TMEM132D: variants seen among roughly 807,000 people sequenced by gnomAD.
TMEM132D encodes mature OL transmembrane protein.
Under a neutral mutation model 62.3 loss-of-function variants are expected in TMEM132D, and 21 were observed. The observed-to-expected ratio is 0.34, with a 90% confidence interval of 0.24 to 0.49. The LOEUF (loss-of-function observed/expected upper bound fraction) is 0.49. Ranked by LOEUF, TMEM132D falls within the 20% of genes least tolerant of loss-of-function variation. The pLI, the probability that TMEM132D is intolerant of heterozygous loss-of-function variation, is 0.99. For synonymous variants in TMEM132D, 621 were observed against 575.6 expected (o/e 1.08, Z -1.13); for missense variants, 1,346 against 1,402.8 (o/e 0.96, Z 0.65).
chr12:129,508,708 C>A (rs568926757), intron 3 of TMEM132D, among the ~76,000 whole-genome samples: 2 of 151,632 alleles, frequency 1.3e-5, no homozygotes, highest in African/African-American at 2.4e-5. Context: ...TAAATGTATC[C>A]CCCAAAATAC....
intron 3 of TMEM132D, among the ~76,000 whole-genome samples, chr12:129,430,153 A>C (rs1004640128): frequency 3.7e-4 from 57 of 152,148 alleles, no homozygotes; most frequent in African/African-American, 1.3e-3. Context: ...CTGATGAATC[A>C]CCACACTGAC....
rs761892015 is a variant in TMEM132D at position 129,524,920 on chromosome 12, C to CTTTTTTTTTTTTTTTTTTTTTTTT, written c.1115+6138_1115+6139insAAAAAAAAAAAAAAAAAAAAAAAA. 2.2e-5 allele frequency among the ~76,000 whole-genome samples: 2 copies of CTTTTTTTTTTTTTTTTTTTTTTTT among 92,170 alleles called. 1 individual carries two copies. The highest frequency in any genetic ancestry group is 8.9e-5 in the African/African-American group (2 of 22,488). 60.5% of individuals were successfully genotyped at this position (92,170 alleles called of 152,430 possible). On this transcript the variant is annotated intron_variant, in intron 3 of 8. Transcript: ENST00000422113. The stretch of plus-strand genomic sequence containing the variant: ...CATTTTATTATTTTCATATTTTTTT[C>CTTTTTTTTTTTTTTTTTTTTTTTT]TTTTTTCTTTTTTTTTTTTTTTTTG...
intron 4 of TMEM132D, among the ~76,000 whole-genome samples, chr12:129,329,167 A>C (rs1869020465): frequency 6.6e-6 from 1 of 152,082 alleles, no homozygotes; most frequent in African/African-American, 2.4e-5. Context: ...ATATATGTGT[A>C]GAAGTTCCTA....
chr12:129,457,457 GAGA>G (rs1873511167), intron 3 of TMEM132D, among the ~76,000 whole-genome samples: 1 of 141,104 alleles, frequency 7.1e-6, no homozygotes, highest in Non-Finnish European at 1.5e-5. Flanking sequence ...GGGGGGAGGG[GAGA>G]GGGATGGCAT....
chr12:129,609,098 G>A (rs755462736), intron 2 of TMEM132D, among the ~76,000 whole-genome samples: 5 of 151,844 alleles, frequency 3.3e-5, no homozygotes, highest in Admixed American at 6.6e-5. Context: ...CCACCAACAC[G>A]CCCAGATAAT....
chr12:129,466,283 T>TTTTTTC (rs1873894882), intron 3 of TMEM132D, among the ~76,000 whole-genome samples: 3 of 250 alleles, frequency 0.012, no homozygotes, highest in African/African-American at 0.018. Flanking sequence ...TTTTTCCTTT[T>TTTTTTC]TTTTTTTTTT....
At chr12:129,378,214 T>C (rs1266210539) in intron 3 of TMEM132D, among the ~76,000 whole-genome samples, 1 of 152,210 alleles carries the variant, frequency 6.6e-6, no homozygotes, top group African/African-American at 2.4e-5. Flanking sequence ...AATTAAAAGA[T>C]GAGAAGATGT....
intron 4 of TMEM132D, among the ~76,000 whole-genome samples, chr12:129,328,394 A>G (rs1411797438): frequency 1.3e-5 from 2 of 152,176 alleles, no homozygotes; most frequent in Admixed American, 6.5e-5. Flanking sequence ...ATCATAGCTT[A>G]TTTGTTCACT....
chr12:129,810,570 ACACCCC>A lies in TMEM132D; in HGVS notation c.79+92685_79+92690del, dbSNP rs775574944. Among the ~76,000 whole-genome samples, 97 of 27,196 alleles carry A rather than the reference ACACCCC, an allele frequency of 3.6e-3. 3 individuals are homozygous for A. In the East Asian group the frequency reaches 0.051, roughly 14 times the overall value. The allele number at this position is 27,196 out of a possible 152,430, so 17.8% of individuals were successfully genotyped here. On this transcript the variant is annotated intron_variant, in intron 1 of 8. Transcript: ENST00000422113. ...TATACATACACACACACACACACAC[ACACCCC>A]CCCACACTCTTTAACCTGTGCCTTA... is the stretch of plus-strand genomic sequence containing the variant.
intron 4 of TMEM132D, among the ~76,000 whole-genome samples, chr12:129,275,987 C>T (rs898902726): frequency 6.6e-6 from 1 of 152,138 alleles, no homozygotes; most frequent in African/African-American, 2.4e-5. Context: ...AGCAGGAGTT[C>T]AATCTCTTAT....
At chr12:129,529,887 C>A (rs1424949846) in intron 3 of TMEM132D, among the ~76,000 whole-genome samples, 1 of 152,184 alleles carries the variant, frequency 6.6e-6, no homozygotes, top group African/African-American at 2.4e-5. Context: ...AGATGTGTTT[C>A]AATTTGTGTA....
chr12:129,104,635 C>T (rs1246254968), intron 5 of TMEM132D, among the ~76,000 whole-genome samples: 4 of 151,672 alleles, frequency 2.6e-5, no homozygotes, highest in African/African-American at 9.7e-5. Flanking sequence ...ATTTTCACAA[C>T]CTACTCATCT....
chr12:129,773,667 C>A (rs1870830155), intron 1 of TMEM132D, among the ~76,000 whole-genome samples: 1 of 152,026 alleles, frequency 6.6e-6, no homozygotes, highest in Non-Finnish European at 1.5e-5. Context: ...ATTAACTAGA[C>A]CAAGGCAGCA....
In TMEM132D at chr12:129,371,007, CA is replaced by C. The variant is rs370298770; in HGVS notation, c.1116-33191del. Among the ~76,000 whole-genome samples the C allele has an allele frequency of 6.6e-6, 1 of 151,902 alleles. No individual in the cohort carries two copies. The highest frequency in any genetic ancestry group is 1.5e-5 in the Non-Finnish European group (1 of 67,980). On this transcript the variant is annotated intron_variant, in intron 3 of 8. Transcript: ENST00000422113. This position sits in a 1 kb window ranked among gnomAD's most constrained non-coding sequence, Gnocchi z 4.3. ...GTTAACAATAATTAATTATATGTTA[CA>C]AAAAAATAGCCATAGGAGAAGAATT...
intron 4 of TMEM132D, among the ~76,000 whole-genome samples, chr12:129,320,075 GGGAGT>G (rs1417934709): frequency 6.6e-6 from 1 of 152,188 alleles, no homozygotes; most frequent in African/African-American, 2.4e-5. Context: ...CTTAGGAATT[GGGAGT>G]CAATAATGCA....
intron 1 of TMEM132D, among the ~76,000 whole-genome samples, chr12:129,718,680 A>C (rs1219237828): frequency 6.6e-6 from 1 of 152,174 alleles, no homozygotes; most frequent in Non-Finnish European, 1.5e-5. Flanking sequence ...GTGTTTTATT[A>C]TCCTCATTTT....
chr12:129,685,895 CTTCA>C (rs1565948685), intron 2 of TMEM132D, among the ~76,000 whole-genome samples: 2 of 152,214 alleles, frequency 1.3e-5, no homozygotes. Context: ...TTAATTACCG[CTTCA>C]TTGGATTTTG....
intron 5 of TMEM132D, among the ~76,000 whole-genome samples, chr12:129,101,045 C>T (rs181603342): frequency 6.6e-6 from 1 of 151,760 alleles, no homozygotes; most frequent in African/African-American, 2.4e-5. Flanking sequence ...CTTTGCAGCG[C>T]TAGGCGGTGG....
intron 4 of TMEM132D, among the ~76,000 whole-genome samples, chr12:129,240,396 C>T (rs536876029): frequency 5.3e-5 from 8 of 152,124 alleles, no homozygotes; most frequent in South Asian, 4.1e-4. Flanking sequence ...CTTAAGTAGA[C>T]GCTATATTAA....
Sources: gnomAD v4.1 joint callset for allele counts (sites outside exome capture counted in the v4.1 genomes callset) on GRCh38, gnomAD v4.1.1 for gene constraint, Gnocchi (gnomAD v3.1) non-coding constraint, MANE v1.5 for transcripts, NCBI Gene and HGNC (gene_info 2026-07-23, HGNC 2026-07-21) for gene names.